Variants in PPP2R5C observed in about 807,000 individuals in gnomAD.
The protein encoded by PPP2R5C is protein phosphatase 2 regulatory subunit B'gamma, also known as serine/threonine-protein phosphatase 2A 56 kDa regulatory subunit gamma isoform.
PPP2R5C carries 7 observed loss-of-function variants against 68.9 expected under a neutral mutation model. The observed-to-expected ratio is 0.10, with a 90% confidence interval of 0.06 to 0.19. PPP2R5C has a LOEUF of 0.19. Among genes scored for constraint, PPP2R5C ranks in the 10% least tolerant of loss-of-function variants. The pLI is 1.00. For synonymous variants in PPP2R5C, 210 were observed against 222.2 expected (o/e 0.95, Z 0.49); for missense variants, 348 against 641.3 (o/e 0.54, Z 4.94).
At position 101,832,580 on chromosome 14, in the gene PPP2R5C, C is replaced by T. The variant is rs186496005; in HGVS notation, c.94+22544C>T. ...TGGGTTCCACCTGGGGAATCTGTTCCGAAGACACCTTCCCATCTCTTTCTT... is the reference window on the plus strand; with the variant it reads ...TGGGTTCCACCTGGGGAATCTGTTCTGAAGACACCTTCCCATCTCTTTCTT... On this transcript the variant is annotated intron_variant, in intron 1 of 13. Transcript: ENST00000334743. Among the ~76,000 whole-genome samples, 374 of 152,248 alleles carry T rather than the reference C, an allele frequency of 2.5e-3. 1 individual carries two copies. The highest frequency in any genetic ancestry group is 2.6e-3 in the Non-Finnish European group (178 of 68,016).
At chr14:101,870,043 T>C (rs1267827169) in intron 2 of PPP2R5C, among the ~76,000 whole-genome samples, 1 of 78,790 alleles carries the variant, frequency 1.3e-5, no homozygotes, top group Non-Finnish European at 2.2e-5. Context: ...AATTGGGCTT[T>C]TTTTTTTTTT....
intron 2 of PPP2R5C, among the ~76,000 whole-genome samples, chr14:101,860,848 T>A (rs2042697886): frequency 6.6e-6 from 1 of 152,228 alleles, no homozygotes; most frequent in Admixed American, 6.5e-5. Context: ...AATGGAAACG[T>A]CCTGATCATC....
chr14:101,823,766 C>G, intron 1 of PPP2R5C: 2 of 1,095,410 alleles, frequency 1.8e-6, no homozygotes, highest in Non-Finnish European at 2.3e-6. Flanking sequence ...TCACCCCTCT[C>G]TGAGCATGCA....
chr14:101,856,550 C>G lies in PPP2R5C; in HGVS notation c.95-136C>G, dbSNP rs575815610. 1.5e-5 allele frequency: 12 copies of G among 795,922 alleles called. No homozygotes were observed. In the African/African-American group the frequency reaches 1.9e-4, roughly 12 times the overall value. The allele number at this position is 795,922 out of a possible 1,614,324, so 49.3% of individuals were successfully genotyped here. The stretch of plus-strand genomic sequence containing the variant: ...CGTTTTATTTTCTTTAAGGAATAGC[C>G]TTTGTTTACCCCACCCATCTCCTTT... On this transcript the variant is annotated intron_variant, in intron 1 of 13. Coordinates refer to ENST00000334743, the Ensembl canonical transcript of PPP2R5C.
At chr14:101,863,605 G>A (rs1465572173) in intron 2 of PPP2R5C, among the ~76,000 whole-genome samples, 1 of 151,996 alleles carries the variant, frequency 6.6e-6, no homozygotes, top group South Asian at 2.1e-4. Flanking sequence ...TGTTAGAAAT[G>A]CAGATTCTTG....
Position 101,866,689 on chromosome 14 carries a change from T to A in PPP2R5C, c.294+9804T>A, listed in dbSNP as rs572026867. On this transcript the variant is annotated intron_variant, in intron 2 of 13. Transcript: ENST00000334743. ...CGTCTCAAAAAAATAAATAAATAAA[T>A]AAAAAAGCTGAAGGAATATAGTACA... Among the ~76,000 whole-genome samples the A allele has an allele frequency of 5.3e-4, 80 of 152,024 alleles. 1 individual carries two copies. Among genetic ancestry groups the A allele is most frequent in the Non-Finnish European group, 9.6e-4 (65 of 67,992 alleles).
chr14:101,816,326 A>T (rs935196819), intron 1 of PPP2R5C, among the ~76,000 whole-genome samples: 2 of 152,206 alleles, frequency 1.3e-5, no homozygotes, highest in African/African-American at 4.8e-5. Context: ...TCTCACTCAC[A>T]TCTTGGAAAG....
intron 3 of PPP2R5C, chr14:101,796,567 TACC>T (rs2038618884): frequency 6.5e-6 from 1 of 153,370 alleles, no homozygotes; most frequent in African/African-American, 2.4e-5. Flanking sequence ...CACAGAGAGT[TACC>T]ACCAGGGCCA....
intron 1 of PPP2R5C, among the ~76,000 whole-genome samples, chr14:101,829,448 T>C (rs1314206333): frequency 6.6e-6 from 1 of 152,100 alleles, no homozygotes; most frequent in East Asian, 1.9e-4. Context: ...ATCAGGGAAG[T>C]GCTGGGCTAC....
intron 8 of PPP2R5C, among the ~76,000 whole-genome samples, chr14:101,895,805 C>G (rs768064279): frequency 5.9e-5 from 9 of 152,072 alleles, no homozygotes; most frequent in Non-Finnish European, 1.0e-4. Flanking sequence ...GCTATAATCC[C>G]CATTTTCAGT....
chr14:101,787,457 CT>C (rs2038150264), intron 3 of PPP2R5C, among the ~76,000 whole-genome samples: 1 of 151,856 alleles, frequency 6.6e-6, no homozygotes, highest in South Asian at 2.1e-4. Context: ...TTCTTGCCCC[CT>C]ACTTGCTAGA....
In PPP2R5C at chr14:101,899,738, A is replaced by G. The variant is rs2045570072; in HGVS notation, c.853-1981A>G. On this transcript the variant is annotated intron_variant, in intron 8 of 13. Coordinates refer to ENST00000334743, the Ensembl canonical transcript of PPP2R5C. The surrounding 1 kb of genome is among the most constrained non-coding windows in gnomAD (Gnocchi z 4.2). ...CTTAATAGTGATTCCAATACACGCA[A>G]AGTGTGGTAGGAACACAATAAATAC... is the stretch of plus-strand genomic sequence containing the variant. Among the ~76,000 whole-genome samples, 1 of 152,246 alleles carries G rather than the reference A, an allele frequency of 6.6e-6. No homozygotes were observed.
intron 2 of PPP2R5C, among the ~76,000 whole-genome samples, chr14:101,769,431 G>C (rs2037036805): frequency 6.6e-6 from 1 of 152,148 alleles, no homozygotes; most frequent in Admixed American, 6.5e-5. Flanking sequence ...GGTTTTAAAA[G>C]TACTGAAAAG....
Position 101,917,377 on chromosome 14 carries a change from T to C in PPP2R5C, c.1327-454T>C, listed in dbSNP as rs2046735017. ...AGGGGAGAGAGAACCGTGCCAGCTGTCTCGATGAGAGGACATGATCGTGAG... is the reference window on the plus strand; with the variant it reads ...AGGGGAGAGAGAACCGTGCCAGCTGCCTCGATGAGAGGACATGATCGTGAG... On this transcript the variant is annotated intron_variant, in intron 12 of 13. Coordinates refer to ENST00000334743, the Ensembl canonical transcript of PPP2R5C. This position sits in a 1 kb window ranked among gnomAD's most constrained non-coding sequence, Gnocchi z 4.4. 6.6e-6 allele frequency among the ~76,000 whole-genome samples: 1 copy of C among 151,862 alleles called. No homozygotes were observed. Among genetic ancestry groups the C allele is most frequent in the East Asian group, 1.9e-4 (1 of 5,180 alleles).
At position 101,917,746 on chromosome 14, in the gene PPP2R5C, G is replaced by A. The variant is rs1385063080; in HGVS notation, c.1327-85G>A. ...GGGAGAGGGCCCTGGGGGGCGGCAG[G>A]GGAGATGAGTCCCTAGCCAGGATGA... On this transcript the variant is annotated intron_variant, in intron 12 of 13. Transcript: ENST00000334743. This position sits in a 1 kb window ranked among gnomAD's most constrained non-coding sequence, Gnocchi z 4.4. 21 of 1,581,070 alleles carry A rather than the reference G, an allele frequency of 1.3e-5. No individual in the cohort carries two copies. The highest frequency in any genetic ancestry group is 6.9e-5 in the Admixed American group (4 of 57,768).
intron 2 of PPP2R5C, chr14:101,766,961 A>G (rs1315195631): frequency 2.0e-5 from 3 of 152,212 alleles, no homozygotes; most frequent in Admixed American, 6.5e-5. Flanking sequence ...ACTGTGTCCA[A>G]TGTTACATTT....
chr14:101,784,443 C>T (rs777920386), intron 2 of PPP2R5C, among the ~76,000 whole-genome samples: 5 of 151,682 alleles, frequency 3.3e-5, no homozygotes, highest in Admixed American at 2.6e-4. Context: ...AGGAAACTTA[C>T]CATCATGGCA....
At chr14:101,778,668 C>A (rs1172107953) in intron 2 of PPP2R5C, among the ~76,000 whole-genome samples, 10 of 152,114 alleles carry the variant, frequency 6.6e-5, no homozygotes, top group Non-Finnish European at 2.9e-5. Flanking sequence ...CTGTTCTTTC[C>A]CTGGTGAATG....
At chr14:101,859,394 C>T (rs2042623129) in intron 2 of PPP2R5C, among the ~76,000 whole-genome samples, 1 of 152,244 alleles carries the variant, frequency 6.6e-6, no homozygotes, top group African/African-American at 2.4e-5. Context: ...ATGAATTAGA[C>T]TGTCCTGTGA....
Sources: allele counts gnomAD v4.1 joint callset (sites outside exome capture counted in the v4.1 genomes callset), GRCh38; gene constraint gnomAD v4.1.1; non-coding constraint Gnocchi (gnomAD v3.1); transcripts MANE v1.5; gene names NCBI Gene and HGNC (gene_info 2026-07-23, HGNC 2026-07-21).